FGD1: variants seen among roughly 807,000 people sequenced by gnomAD.
The protein encoded by FGD1 is FYVE, RhoGEF and PH domain containing 1, also known as FYVE, RhoGEF and PH domain-containing protein 1.
Under a neutral mutation model 65.0 loss-of-function variants are expected in FGD1, and 12 were observed. The observed-to-expected ratio is 0.18, with a 90% CI of 0.12 to 0.30. FGD1 has a LOEUF of 0.30. Among genes scored for constraint, FGD1 ranks in the 10% least tolerant of loss-of-function variants. The probability of loss-of-function intolerance (pLI) is 1.00; values close to 1 mark genes in which losing one functional copy is unlikely to be tolerated. For missense variants in FGD1, 542 were observed against 837.6 expected, an observed-to-expected ratio of 0.65 and a Z score of 4.36; for synonymous variants, 333 against 343.9, an observed-to-expected ratio of 0.97 and a Z score of 0.35.
intron 4 of FGD1, among the ~76,000 whole-genome samples, chrX:54,469,468 G>C (rs1922832626): frequency 8.9e-6 from 1 of 112,284 alleles, no homozygotes; most frequent in Non-Finnish European, 1.9e-5. Context: ...CTATCAGCAA[G>C]GGCTTGCTGA....
chrX:54,494,848 C>T, intron 1 of FGD1, among the ~76,000 whole-genome samples: 1 of 111,100 alleles, frequency 9.0e-6, no homozygotes, highest in East Asian at 2.8e-4. Flanking sequence ...CTTTTTCTCG[C>T]GAGTGCTCCC....
intron 8 of FGD1, 27 bp downstream of exon 8, chrX:54,465,424 G>C (rs906020247): frequency 9.2e-6 from 11 of 1,195,485 alleles, no homozygotes; most frequent in Non-Finnish European, 1.2e-5. Context: ...TGGAGAAGTA[G>C]GAAGGGGCCT....
At position 54,446,093 on chromosome X, in the gene FGD1, G is replaced by T; in HGVS notation, c.*16C>A. On this transcript the variant is annotated 3_prime_UTR_variant, in exon 18 of 18. Transcript: ENST00000375135. ...CTAGAGTGTGGGGTGGGGGCTCCCA[G>T]TTTGTCCCAAACCCTCTAGGTCTTG... 8.4e-7 allele frequency: 1 copy of T among 1,190,809 alleles called. No homozygotes were observed. Among genetic ancestry groups the T allele is most frequent in the Non-Finnish European group, 1.1e-6 (1 of 883,468 alleles).
chrX:54,476,310 C>T (rs1923016735), intron 1 of FGD1, among the ~76,000 whole-genome samples: 1 of 109,655 alleles, frequency 9.1e-6, no homozygotes, highest in African/African-American at 3.3e-5. Context: ...TCCCACTGCC[C>T]CATCCCGTCC....
At position 54,470,323 on chromosome X, in the gene FGD1, A is replaced by C; in HGVS notation, c.794T>G (p.Leu265Arg). The C allele has an allele frequency of 3.3e-6, 4 of 1,206,736 alleles. No individual in the cohort carries two copies. Among genetic ancestry groups the C allele is most frequent in the Non-Finnish European group, 4.5e-6 (4 of 893,032 alleles). The change falls in exon 4 of 18, where the codon CTG (leucine) becomes CGG (arginine). Residue 265 changes from leucine (L) to arginine (R), a missense_variant. Physicochemically the swap from Leu to Arg is moderately radical, Grantham distance 102 (BLOSUM62 -2). This residue lies in a region of FGD1 where 297 missense variants were observed against 326.8 expected (regional missense o/e 0.91). Coordinates refer to ENST00000375135, the MANE Select transcript of FGD1 (RefSeq NM_004463.3). The stretch of plus-strand genomic sequence containing the variant: ...CCGGGGCCCAGGAGCCAGCAGAAAC[A>C]GGCAGCGGGAGGCCTCACCCTCGGG... The part of the protein sequence containing the change: ...QLPEGEASRC[L>R]FLLAPGPRDG...
In FGD1 at chrX:54,496,056, G is replaced by A. The variant is rs932647631; in HGVS notation, c.-624C>T. Reference sequence around the variant, plus strand: ...CTGCGGGGCTCGCCTTCAGCCAGTAGTCCCAGACGATGCTCCAGCCGCGGG... The same window carrying A: ...CTGCGGGGCTCGCCTTCAGCCAGTAATCCCAGACGATGCTCCAGCCGCGGG... On this transcript the variant is annotated 5_prime_UTR_variant, in exon 1 of 18. Coordinates refer to ENST00000375135, the MANE Select transcript of FGD1 (RefSeq NM_004463.3). The A allele has an allele frequency of 8.9e-6, 1 of 112,106 alleles. No homozygotes were observed. The highest frequency in any genetic ancestry group is 3.2e-5 in the African/African-American group (1 of 30,886). 9.2% of individuals were successfully genotyped at this position (112,106 alleles called of 1,213,427 possible).
rs759070309 is a variant in FGD1 at position 54,482,236 on chromosome X, GCACA to G, written c.308-10753_308-10750del. On this transcript the variant is annotated intron_variant, in intron 1 of 17. Transcript: ENST00000375135. ...CAGGCACATGCGCGCGCACACGCGC[GCACA>G]CACACACACACACACACACACACAC... is the stretch of plus-strand genomic sequence containing the variant. Among the ~76,000 whole-genome samples the G allele has an allele frequency of 4.7e-3, 468 of 99,372 alleles. 1 individual carries two copies. Among genetic ancestry groups the G allele is most frequent in the Middle Eastern group, 0.032 (6 of 185 alleles). 86.3% of individuals were successfully genotyped at this position (99,372 alleles called of 115,157 possible).
chrX:54,465,078 C>T (rs1486703980), intron 8 of FGD1, among the ~76,000 whole-genome samples: 1 of 107,246 alleles, frequency 9.3e-6, no homozygotes, highest in East Asian at 3.0e-4. Flanking sequence ...CTTGGGGTCT[C>T]GATCTAGGAA....
intron 1 of FGD1, among the ~76,000 whole-genome samples, chrX:54,472,141 T>C: frequency 9.1e-6 from 1 of 110,024 alleles, no homozygotes; most frequent in East Asian, 2.8e-4. Flanking sequence ...AGCTGGGCAG[T>C]GTGGTGTGCA....
chrX:54,449,192 G>A lies in FGD1; in HGVS notation c.2225C>T (p.Pro742Leu). The change falls in exon 15 of 18, where the codon CCC (proline) becomes CTC (leucine). Residue 742 changes from proline to leucine, a missense_variant. Transcript: ENST00000375135. The part of the protein sequence containing the change: ...EVTMCMRCQE[P>L]FNSITKRRHH... Reference sequence around the variant, plus strand: ...CCTGCGTTTGGTGATAGAATTGAAGGGCTCCTGGCAGCGCATGCACATGGT... The same window carrying A: ...CCTGCGTTTGGTGATAGAATTGAAGAGCTCCTGGCAGCGCATGCACATGGT... 1 of 1,211,862 alleles carries A rather than the reference G, an allele frequency of 8.3e-7. No homozygotes were observed. Among genetic ancestry groups the A allele is most frequent in the Non-Finnish European group, 1.1e-6 (1 of 895,385 alleles).
intron 5 of FGD1, 54 bp from the exon 6 acceptor site, chrX:54,467,986 G>C: frequency 9.2e-7 from 1 of 1,084,835 alleles, no homozygotes; most frequent in East Asian, 3.3e-5. Context: ...CTTGGCTGGT[G>C]AAGGGTGAGG....
At chrX:54,456,005 A>G (rs949887016) in intron 10 of FGD1, among the ~76,000 whole-genome samples, 1 of 112,591 alleles carries the variant, frequency 8.9e-6, no homozygotes, top group Non-Finnish European at 1.9e-5. Flanking sequence ...TATTTGCCTC[A>G]TCTGTAAAGT....
chrX:54,493,906 G>A (rs1923468788), intron 1 of FGD1, among the ~76,000 whole-genome samples: 1 of 112,353 alleles, frequency 8.9e-6, no homozygotes, highest in Non-Finnish European at 1.9e-5. Flanking sequence ...GAGATCTGTG[G>A]AGCCTGAGGT....
chrX:54,446,494 A>T (rs1601946776), intron 17 of FGD1, 80 bp from the exon 18 acceptor site: 2 of 975,169 alleles, frequency 2.1e-6, no homozygotes, highest in Non-Finnish European at 2.8e-6. Context: ...GGTTTTGCAT[A>T]TGCTCTGTCT....
chrX:54,484,660 G>A (rs1923231617), intron 1 of FGD1, among the ~76,000 whole-genome samples: 1 of 112,365 alleles, frequency 8.9e-6, no homozygotes, highest in South Asian at 3.7e-4. Flanking sequence ...CTGCAGCCTT[G>A]TCTCAGGAGC....
chrX:54,452,952 G>A (rs1242687713), intron 12 of FGD1, among the ~76,000 whole-genome samples: 2 of 111,028 alleles, frequency 1.8e-5, no homozygotes, highest in African/African-American at 6.6e-5. Flanking sequence ...GCATCTGGGT[G>A]CTTGTTGTAC....
rs746343202 is a variant in FGD1 at position 54,478,943 on chromosome X, C to T, written c.308-7456G>A. ...TGCAGATCAGGGCAGGATTCCTATG[C>T]GAGGTGGTAGGGCAGTGAAGACAAT... On this transcript the variant is annotated intron_variant, in intron 1 of 17. Transcript: ENST00000375135. Among the ~76,000 whole-genome samples the T allele has an allele frequency of 2.5e-4, 28 of 111,725 alleles. No homozygotes were observed. In the East Asian group the frequency reaches 5.9e-3, roughly 24 times the overall value.
At chrX:54,476,357 C>CTT (rs148927324) in intron 1 of FGD1, among the ~76,000 whole-genome samples, 3 of 99,431 alleles carry the variant, frequency 3.0e-5, no homozygotes, top group Admixed American at 1.1e-4. Flanking sequence ...TTCTCCAGCC[C>CTT]TTTTTTTTTT....
intron 1 of FGD1, among the ~76,000 whole-genome samples, chrX:54,490,841 C>T (rs866707508): frequency 9.0e-6 from 1 of 110,929 alleles, no homozygotes; most frequent in African/African-American, 3.3e-5. Flanking sequence ...CTACCAAGGC[C>T]TGTCCATGCT....
Sources: gnomAD v4.1 joint callset for allele counts (sites outside exome capture counted in the v4.1 genomes callset) on GRCh38, gnomAD v4.1.1 for gene constraint, gnomAD v4.1.1 regional missense constraint, MANE v1.5 for transcripts, NCBI Gene and HGNC (gene_info 2026-07-23, HGNC 2026-07-21) for gene names.